The following MAPK8 variants were observed in gnomAD, a reference collection of about 807,000 sequenced individuals.
MAPK8 encodes the protein JUN N-terminal kinase.
Under a neutral mutation model 52.9 loss-of-function variants are expected in MAPK8, and 13 were observed. The observed-to-expected ratio is 0.25, with a 90% CI of 0.16 to 0.39. MAPK8 has a LOEUF of 0.39. Ranked by LOEUF, MAPK8 falls within the 10% of genes least tolerant of loss-of-function variation. MAPK8 has a pLI of 1.00. For missense variants in MAPK8, 300 were observed against 519.2 expected (o/e 0.58, Z 4.10); for synonymous variants, 191 against 169.8 (o/e 1.12, Z -0.97).
chr10:48,342,433 T>G lies in MAPK8; in HGVS notation c.-50+35612T>G, dbSNP rs186434112. 6.4e-4 allele frequency among the ~76,000 whole-genome samples: 97 copies of G among 152,282 alleles called. 1 individual carries two copies. Among genetic ancestry groups the G allele is most frequent in the African/African-American group, 2.3e-3 (96 of 41,552 alleles). ...ATTTTATTTTTTATAAAAAAAAATTTTACAATAAAATTCAGATTTGTTCTT... is the reference window on the plus strand; with the variant it reads ...ATTTTATTTTTTATAAAAAAAAATTGTACAATAAAATTCAGATTTGTTCTT... On this transcript the variant is annotated intron_variant, in intron 1 of 11. Transcript: ENST00000374189.
intron 1 of MAPK8, among the ~76,000 whole-genome samples, chr10:48,332,766 A>G (rs571792290): frequency 6.6e-6 from 1 of 152,186 alleles, no homozygotes; most frequent in Non-Finnish European, 1.5e-5. Context: ...GCCAGTTCCA[A>G]ATGTACCAAT....
chr10:48,363,472 G>A (rs1364907575), intron 1 of MAPK8, among the ~76,000 whole-genome samples: 1 of 152,170 alleles, frequency 6.6e-6, no homozygotes, highest in Admixed American at 6.5e-5. Flanking sequence ...TAAAGGAAGA[G>A]TGTTTGTCCT....
chr10:48,424,620 A>C lies in MAPK8; in HGVS notation c.688+461A>C, dbSNP rs145737938. The C allele has an allele frequency of 4.5e-4, 649 of 1,450,718 alleles. 4 individuals carry two copies. In the African/African-American group the frequency reaches 8.4e-3, roughly 19 times the overall value. 89.9% of individuals were successfully genotyped at this position (1,450,718 alleles called of 1,614,324 possible). A position where few individuals can be genotyped will look rare whatever the true frequency, so the allele number is the denominator to read the frequency against. On this transcript the variant is annotated intron_variant, in intron 7 of 11. Transcript: ENST00000374189. The stretch of plus-strand genomic sequence containing the variant: ...TCTTTGGCCTAAAATGTAGTTTCTA[A>C]AGGTCAAAATGTATGATAGCACTTC...
intron 1 of MAPK8, among the ~76,000 whole-genome samples, chr10:48,318,168 A>C (rs1398563143): frequency 6.6e-6 from 1 of 152,124 alleles, no homozygotes; most frequent in Admixed American, 6.5e-5. Context: ...AGGAGTTAAT[A>C]CTGCAGCCTT....
At chr10:48,357,066 T>C (rs1225094053) in intron 1 of MAPK8, among the ~76,000 whole-genome samples, 1 of 152,134 alleles carries the variant, frequency 6.6e-6, no homozygotes, top group Non-Finnish European at 1.5e-5. Context: ...TCCACATATT[T>C]AATGCTGTGA....
intron 1 of MAPK8, among the ~76,000 whole-genome samples, chr10:48,364,258 A>C (rs954001530): frequency 3.9e-5 from 6 of 152,080 alleles, no homozygotes; most frequent in African/African-American, 1.4e-4. Context: ...TCGTTTCCTT[A>C]AGTTTCCTTT....
At chr10:48,431,294 T>G (rs769615460) in intron 11 of MAPK8, 24 bp downstream of exon 11, 1 of 1,526,832 alleles carries the variant, frequency 6.5e-7, no homozygotes, top group South Asian at 1.1e-5. Flanking sequence ...TAAGCTTGGT[T>G]AAGATTACAG....
Position 48,426,364 on chromosome 10 carries a change from A to G in MAPK8, c.872-16A>G, listed in dbSNP as rs778533275. On this transcript the variant is annotated splice_polypyrimidine_tract_variant and intron_variant, in intron 8 of 11. Transcript: ENST00000374189. Reference sequence around the variant, plus strand: ...TCTTTACAAATATATGTACATTAACACCATTATGTTTGCAGCCAGTCAGGC... The same window carrying G: ...TCTTTACAAATATATGTACATTAACGCCATTATGTTTGCAGCCAGTCAGGC... 3.1e-6 allele frequency: 5 copies of G among 1,593,970 alleles called. No individual in the cohort carries two copies. Among genetic ancestry groups the G allele is most frequent in the Non-Finnish European group, 8.5e-7 (1 of 1,173,458 alleles).
At chr10:48,433,299 C>T (rs1381447409) in intron 11 of MAPK8, among the ~76,000 whole-genome samples, 2 of 151,896 alleles carry the variant, frequency 1.3e-5, no homozygotes. Context: ...AATAATAGAC[C>T]CTGAACTAGA....
intron 5 of MAPK8, among the ~76,000 whole-genome samples, chr10:48,413,850 T>TATATATATATATATATAG (rs2042910436): frequency 7.7e-6 from 1 of 129,986 alleles, no homozygotes; most frequent in Non-Finnish European, 1.7e-5. Context: ...TATATATATA[T>TATATATATATATATATAG]ATATATATAT....
At chr10:48,349,251 A>T (rs1277399557) in intron 1 of MAPK8, among the ~76,000 whole-genome samples, 3 of 152,122 alleles carry the variant, frequency 2.0e-5, no homozygotes, top group Non-Finnish European at 2.9e-5. Context: ...CAGGAGTTGA[A>T]CTCAGCTCTG....
intron 1 of MAPK8, among the ~76,000 whole-genome samples, chr10:48,335,114 A>G (rs1453291262): frequency 1.3e-5 from 2 of 152,190 alleles, no homozygotes; most frequent in Non-Finnish European, 2.9e-5. Flanking sequence ...TCACATCTGC[A>G]GGTTGACTGC....
chr10:48,430,855 A>G (rs2044169153), intron 10 of MAPK8: 1 of 282,952 alleles, frequency 3.5e-6, no homozygotes, highest in Non-Finnish European at 6.6e-6. Flanking sequence ...CCTGAGACAG[A>G]TGGTAGTACA....
At chr10:48,317,030 C>T (rs139675564) in intron 1 of MAPK8, among the ~76,000 whole-genome samples, 2 of 152,220 alleles carry the variant, frequency 1.3e-5, no homozygotes, top group Non-Finnish European at 2.9e-5. Context: ...CACAGCAACC[C>T]TACAAGGTGG....
intron 1 of MAPK8, among the ~76,000 whole-genome samples, chr10:48,381,619 T>C (rs2041010360): frequency 6.6e-6 from 1 of 152,194 alleles, no homozygotes; most frequent in African/African-American, 2.4e-5. Context: ...GATGCCTACT[T>C]TTTTGTTTAT....
chr10:48,383,701 A>G (rs1347969492), intron 1 of MAPK8, among the ~76,000 whole-genome samples: 1 of 152,066 alleles, frequency 6.6e-6, no homozygotes, highest in Non-Finnish European at 1.5e-5. Flanking sequence ...GAAAAAAAAA[A>G]GTTGTTAGAT....
chr10:48,337,521 C>A (rs1440118385), intron 1 of MAPK8, among the ~76,000 whole-genome samples: 1 of 151,996 alleles, frequency 6.6e-6, no homozygotes, highest in Non-Finnish European at 1.5e-5. Flanking sequence ...AATTAACAAC[C>A]TAACATTGCC....
chr10:48,341,222 AG>A (rs1342463895), intron 1 of MAPK8, among the ~76,000 whole-genome samples: 1 of 152,208 alleles, frequency 6.6e-6, no homozygotes, highest in Non-Finnish European at 1.5e-5. Flanking sequence ...TTTTTTCCTT[AG>A]GAAAATCTAA....
intron 5 of MAPK8, among the ~76,000 whole-genome samples, chr10:48,410,736 A>C (rs9919504): frequency 0.19 from 29,362 of 152,182 alleles, 3,015 homozygotes; most frequent in South Asian, 0.29. Context: ...GCACTATTTT[A>C]CATTCCCACT....
Sources: gnomAD v4.1 joint callset for allele counts (sites outside exome capture counted in the v4.1 genomes callset) on GRCh38, gnomAD v4.1.1 for gene constraint, MANE v1.5 for transcripts, NCBI Gene and HGNC (gene_info 2026-07-23, HGNC 2026-07-21) for gene names.